The following PDE1C variants were observed in gnomAD, a reference collection of about 807,000 sequenced individuals.
PDE1C encodes phosphodiesterase 1C.
In PDE1C, 62 loss-of-function variants were observed where a neutral mutation model predicts 93.1. The ratio of observed to expected loss-of-function variants is 0.67; its 90% confidence interval spans 0.54 to 0.82. The LOEUF (loss-of-function observed/expected upper bound fraction) is 0.82, where lower values mean the gene tolerates loss of function less well. Ranked by LOEUF, PDE1C falls within the 40% of genes least tolerant of loss-of-function variation. PDE1C has a pLI of 0.00. For missense variants in PDE1C, 742 were observed against 884.6 expected, an observed-to-expected ratio of 0.84 and a Z score of 2.04; for synonymous variants, 325 against 310.1, an observed-to-expected ratio of 1.05 and a Z score of -0.50.
At chr7:31,890,147 A>G (rs531972115) in intron 2 of PDE1C, among the ~76,000 whole-genome samples, 14 of 152,308 alleles carry the variant, frequency 9.2e-5, no homozygotes, top group African/African-American at 3.1e-4. Context: ...AGAATGAAAA[A>G]TACAACCCAG....
chr7:31,618,664 G>GGTTTCTACA, the PDE1C span, among the ~76,000 whole-genome samples: 6,342 of 152,184 alleles, frequency 0.042, 380 homozygotes, highest in African/African-American at 0.13. Flanking sequence ...CATAATTATA[G>GGTTTCTACA]TTGAGTATTA....
the PDE1C span, among the ~76,000 whole-genome samples, chr7:31,633,776 A>C: frequency 6.6e-6 from 1 of 152,222 alleles, no homozygotes; most frequent in Non-Finnish European, 1.5e-5. Flanking sequence ...TGACCATAAA[A>C]TAGTTAAAGT....
At chr7:31,690,342 C>T in the PDE1C span, among the ~76,000 whole-genome samples, 1 of 152,172 alleles carries the variant, frequency 6.6e-6, no homozygotes, top group South Asian at 2.1e-4. Flanking sequence ...TTACTCCACC[C>T]AGTAGGTATT....
chr7:32,211,711 G>A (rs991410723), intron 1 of PDE1C, among the ~76,000 whole-genome samples: 6 of 151,924 alleles, frequency 3.9e-5, no homozygotes, highest in Admixed American at 1.3e-4. Context: ...TTTAGACACC[G>A]CAAATGTCTG....
intron 7 of PDE1C, among the ~76,000 whole-genome samples, chr7:31,861,537 G>T (rs1411961373): frequency 6.6e-6 from 1 of 151,892 alleles, no homozygotes; most frequent in Non-Finnish European, 1.5e-5. Flanking sequence ...CAGAATTCTT[G>T]ATCCCCTTTC....
chr7:32,290,233 C>G (rs962506993), intron 1 of PDE1C, among the ~76,000 whole-genome samples: 5 of 152,208 alleles, frequency 3.3e-5, no homozygotes, highest in Non-Finnish European at 7.3e-5. Flanking sequence ...ACTCCAGATC[C>G]CTGGCCTGGT....
intron 2 of PDE1C, among the ~76,000 whole-genome samples, chr7:31,939,338 C>T (rs1299688513): frequency 1.3e-5 from 2 of 152,046 alleles, no homozygotes; most frequent in African/African-American, 2.4e-5. Flanking sequence ...TAGACCACAC[C>T]GCTGAGTCTT....
chr7:32,400,590 A>G (rs891381226), intron 1 of PDE1C, among the ~76,000 whole-genome samples: 4 of 152,230 alleles, frequency 2.6e-5, no homozygotes, highest in African/African-American at 9.6e-5. Flanking sequence ...TTTGCCATGG[A>G]AAGTTTTCTT....
chr7:31,927,212 G>A (rs1179664283), intron 2 of PDE1C, among the ~76,000 whole-genome samples: 1 of 152,184 alleles, frequency 6.6e-6, no homozygotes, highest in Non-Finnish European at 1.5e-5. Flanking sequence ...TCACCGCAGT[G>A]TGGCAAAGGT....
At position 32,387,872 on chromosome 7, in the gene PDE1C, C is replaced by T. The variant is rs556112827; in HGVS notation, c.310+39950G>A. Among the ~76,000 whole-genome samples, 488 of 126,126 alleles carry T rather than the reference C, an allele frequency of 3.9e-3. 6 individuals carry two copies. Among genetic ancestry groups the T allele is most frequent in the African/African-American group, 0.015 (425 of 29,074 alleles). 82.7% of individuals were successfully genotyped at this position (126,126 alleles called of 152,430 possible). On this transcript the variant is annotated intron_variant, in intron 1 of 1. Coordinates refer to the PDE1C transcript ENST00000672256. ...GGGCAGGGGGCTGACCCCCCTCCCC[C>T]CTCCCGGACGGGGCGGCTGAGGACA...
At chr7:31,875,110 G>T (rs949680148) in intron 5 of PDE1C, among the ~76,000 whole-genome samples, 1 of 152,098 alleles carries the variant, frequency 6.6e-6, no homozygotes, top group African/African-American at 2.4e-5. Flanking sequence ...CTTTACCTTG[G>T]TTACTATCAT....
At chr7:32,339,022 AC>A (rs1380360331) in intron 1 of PDE1C, among the ~76,000 whole-genome samples, 2 of 134,362 alleles carry the variant, frequency 1.5e-5, no homozygotes, top group Non-Finnish European at 3.5e-5. Flanking sequence ...ACACACACAC[AC>A]ACACACACAC....
intron 2 of PDE1C, among the ~76,000 whole-genome samples, chr7:32,017,785 A>T (rs1184266459): frequency 3.3e-5 from 5 of 152,188 alleles, no homozygotes; most frequent in African/African-American, 1.2e-4. Flanking sequence ...ATACAAATCA[A>T]AACCACAATG....
chr7:32,077,805 A>G, intron 3 of PDE1C: 1 of 921,790 alleles, frequency 1.1e-6, no homozygotes, highest in South Asian at 5.0e-5. Flanking sequence ...TCCTGACTTC[A>G]GGATCCACCT....
chr7:31,740,843 A>G, the PDE1C span, among the ~76,000 whole-genome samples: 1 of 152,128 alleles, frequency 6.6e-6, no homozygotes, highest in Non-Finnish European at 1.5e-5. Flanking sequence ...CTGAGGAAGA[A>G]GGATCATTTT....
intron 2 of PDE1C, among the ~76,000 whole-genome samples, chr7:32,186,670 T>C (rs886786023): frequency 3.9e-5 from 6 of 152,128 alleles, no homozygotes; most frequent in African/African-American, 7.2e-5. Context: ...TGTAATAATA[T>C]TACATATTAT....
At chr7:32,123,959 C>T (rs32300) in intron 3 of PDE1C, among the ~76,000 whole-genome samples, 104,030 of 151,942 alleles carry the variant, frequency 0.68, 36,318 homozygotes, top group Middle Eastern at 0.8. Context: ...GAAAACCCCA[C>T]CATCGCAGCC....
chr7:32,091,286 T>C (rs1233538833), intron 3 of PDE1C, among the ~76,000 whole-genome samples: 1 of 152,220 alleles, frequency 6.6e-6, no homozygotes, highest in African/African-American at 2.4e-5. Flanking sequence ...CCCCTGTGCT[T>C]CAATGAACTT....
At chr7:32,206,758 C>T (rs923132472) in intron 2 of PDE1C, among the ~76,000 whole-genome samples, 2 of 152,224 alleles carry the variant, frequency 1.3e-5, no homozygotes, top group African/African-American at 2.4e-5. Context: ...AGTGCCCACA[C>T]CCGGTGGCTC....
Sources: allele counts gnomAD v4.1 joint callset (sites outside exome capture counted in the v4.1 genomes callset), GRCh38; gene constraint gnomAD v4.1.1; transcripts MANE v1.5; gene names NCBI Gene and HGNC (gene_info 2026-07-23, HGNC 2026-07-21).